The following PCDHGA3 variants were observed in gnomAD, a reference collection of about 807,000 sequenced individuals.
PCDHGA3 encodes protocadherin gamma-A3.
A neutral mutation model predicts 58.5 loss-of-function variants in PCDHGA3; 40 were observed. The ratio of observed to expected loss-of-function variants is 0.68; its 90% CI spans 0.53 to 0.89. PCDHGA3 has a LOEUF of 0.89. Ranked by LOEUF, PCDHGA3 falls within the 40% of genes least tolerant of loss-of-function variation. The probability of loss-of-function intolerance (pLI) is 0.00; values close to 1 mark genes in which losing one functional copy is unlikely to be tolerated. For synonymous variants in PCDHGA3, 530 were observed against 525.7 expected (o/e 1.01, Z -0.11); for missense variants, 1,223 against 1,195.9 (o/e 1.02, Z -0.33).
intron 1 of PCDHGA3, chr5:141,395,745 T>C (rs2093305954): frequency 6.5e-6 from 1 of 153,196 alleles, no homozygotes; most frequent in African/African-American, 2.4e-5. Context: ...AAACCTCTTT[T>C]CTGAGCCCTG....
At chr5:141,350,845 A>C (rs1758572276) in intron 1 of PCDHGA3, 1 of 1,613,468 alleles carries the variant, frequency 6.2e-7, no homozygotes, top group Non-Finnish European at 8.5e-7. Context: ...TGCTGGAAAA[A>C]CCTCTAGACA....
intron 1 of PCDHGA3, among the ~76,000 whole-genome samples, chr5:141,472,862 T>C (rs770564770): frequency 1.3e-5 from 2 of 150,322 alleles, no homozygotes; most frequent in South Asian, 4.2e-4. Flanking sequence ...GGCACATGCC[T>C]GTATTCCCAG....
At chr5:141,364,976 G>A (rs781674344) in intron 1 of PCDHGA3, 1 of 1,613,902 alleles carries the variant, frequency 6.2e-7, no homozygotes, top group Middle Eastern at 1.6e-4. Flanking sequence ...CACAGCTTTA[G>A]ATGGCGGAGA....
intron 1 of PCDHGA3, chr5:141,421,143 A>T (rs2096549098): frequency 3.1e-6 from 3 of 964,414 alleles, no homozygotes; most frequent in Non-Finnish European, 4.5e-6. Flanking sequence ...TTTTGGATGT[A>T]GTCGGCCTAG....
chr5:141,419,275 G>A, intron 1 of PCDHGA3: 26 of 1,613,974 alleles, frequency 1.6e-5, no homozygotes, highest in Non-Finnish European at 2.2e-5. Flanking sequence ...CCTCCATAGC[G>A]CAAGTCAGTG....
At chr5:141,466,107 G>T (rs1463944825) in intron 1 of PCDHGA3, among the ~76,000 whole-genome samples, 1 of 151,928 alleles carries the variant, frequency 6.6e-6, no homozygotes, top group East Asian at 1.9e-4. Flanking sequence ...GGGCAACAGA[G>T]TGAGACTCCA....
chr5:141,432,172 C>T lies in PCDHGA3; in HGVS notation c.2425-62635C>T, dbSNP rs562175068. ...AGAACAATCCCAGAGGAGTTTCCCT[C>T]GTCTCTGTGACCGCCCACGACCCCG... On this transcript the variant is annotated intron_variant, in intron 1 of 3. Coordinates refer to ENST00000253812, the MANE Select transcript of PCDHGA3 (RefSeq NM_018916.4). This position sits in a 1 kb window ranked among gnomAD's most constrained non-coding sequence, Gnocchi z 6.0. 22 of 1,614,152 alleles carry T rather than the reference C, an allele frequency of 1.4e-5. No individual in the cohort carries two copies. In the Admixed American group the frequency reaches 3.5e-4, roughly 26 times the overall value.
At chr5:141,365,039 G>A (rs577848371) in intron 1 of PCDHGA3, 12 of 1,613,840 alleles carry the variant, frequency 7.4e-6, no homozygotes, top group Non-Finnish European at 9.3e-6. Flanking sequence ...CGACGCAAAC[G>A]ACAATGCGCC....
At chr5:141,428,600 C>T (rs2097150405) in intron 1 of PCDHGA3, 1 of 223,920 alleles carries the variant, frequency 4.5e-6, no homozygotes, top group African/African-American at 2.3e-5. Flanking sequence ...GCAAGCTTCA[C>T]TGAAGAGAAT....
At chr5:141,451,151 A>AT (rs1324071351) in intron 1 of PCDHGA3, among the ~76,000 whole-genome samples, 2 of 152,190 alleles carry the variant, frequency 1.3e-5, no homozygotes, top group Admixed American at 6.5e-5. Context: ...TAGACTAGAC[A>AT]TTTTTTTGGT....
At chr5:141,407,767 G>T (rs1458257073) in intron 1 of PCDHGA3, among the ~76,000 whole-genome samples, 1 of 152,140 alleles carries the variant, frequency 6.6e-6, no homozygotes, top group Non-Finnish European at 1.5e-5. Context: ...GTTTGAAATT[G>T]TGCATAATAG....
chr5:141,489,944 T>A lies in PCDHGA3; in HGVS notation c.2425-4863T>A. On this transcript the variant is annotated intron_variant, in intron 1 of 3. Coordinates refer to ENST00000253812, the MANE Select transcript of PCDHGA3 (RefSeq NM_018916.4). The surrounding 1 kb of genome is among the most constrained non-coding windows in gnomAD (Gnocchi z 4.5). ...CTTATCTCTGTCATCGTGCTGGACA[T>A]CAATGATAATGCTCCAACCTTCCAA... 1 of 1,614,172 alleles carries A rather than the reference T, an allele frequency of 6.2e-7. No individual in the cohort carries two copies. The highest frequency in any genetic ancestry group is 8.5e-7 in the Non-Finnish European group (1 of 1,180,010).
chr5:141,394,204 A>G (rs749979763), intron 1 of PCDHGA3: 4 of 1,613,914 alleles, frequency 2.5e-6, no homozygotes, highest in Non-Finnish European at 3.4e-6. Context: ...ATCCTAGAGA[A>G]CAACCTGAGA....
chr5:141,375,053 G>A, intron 1 of PCDHGA3: 1 of 1,614,046 alleles, frequency 6.2e-7, no homozygotes. Context: ...AGCCCGGGAT[G>A]GGCCAGGTCT....
At chr5:141,497,904 A>G (rs939422338) in intron 2 of PCDHGA3, among the ~76,000 whole-genome samples, 2 of 152,136 alleles carry the variant, frequency 1.3e-5, no homozygotes, top group African/African-American at 2.4e-5. Context: ...AGTAACTTCA[A>G]CTTCTCTCCT....
chr5:141,360,321 A>C lies in PCDHGA3; in HGVS notation c.2424+13864A>C, dbSNP rs777240773. 6 of 1,614,004 alleles carry C rather than the reference A, an allele frequency of 3.7e-6. No individual in the cohort carries two copies. In the Admixed American group the frequency reaches 8.3e-5, roughly 22 times the overall value. On this transcript the variant is annotated intron_variant, in intron 1 of 3. Coordinates refer to ENST00000253812, the MANE Select transcript of PCDHGA3 (RefSeq NM_018916.4). ...TGGGGCTCAGCGTCCGGGACTTGCC[A>C]GCCCGGAAGCTGCGGGTTAGCGCGG...
At chr5:141,483,179 G>C (rs2099577971) in intron 1 of PCDHGA3, among the ~76,000 whole-genome samples, 2 of 152,294 alleles carry the variant, frequency 1.3e-5, no homozygotes, top group African/African-American at 4.8e-5. Flanking sequence ...TTTGGGCCAA[G>C]CCAAGGAGTT....
At chr5:141,473,228 A>T (rs549587219) in intron 1 of PCDHGA3, among the ~76,000 whole-genome samples, 1 of 152,296 alleles carries the variant, frequency 6.6e-6, no homozygotes, top group African/African-American at 2.4e-5. Context: ...GGGAGATTGG[A>T]TCCACACAAG....
In PCDHGA3 at chr5:141,432,293, G is replaced by C. The variant is rs765631138; in HGVS notation, c.2425-62514G>C. Reference sequence around the variant, plus strand: ...CTACGTGTCCATCAACTCCGACACTGGGGTACTGTATGCGCTGAGCTCCTT... The same window carrying C: ...CTACGTGTCCATCAACTCCGACACTCGGGTACTGTATGCGCTGAGCTCCTT... On this transcript the variant is annotated intron_variant, in intron 1 of 3. Coordinates refer to ENST00000253812, the MANE Select transcript of PCDHGA3 (RefSeq NM_018916.4). This position sits in a 1 kb window ranked among gnomAD's most constrained non-coding sequence, Gnocchi z 6.0. 6.2e-7 allele frequency: 1 copy of C among 1,614,254 alleles called. No individual in the cohort carries two copies.
Sources: gnomAD v4.1 joint callset for allele counts (sites outside exome capture counted in the v4.1 genomes callset) on GRCh38, gnomAD v4.1.1 for gene constraint, Gnocchi (gnomAD v3.1) non-coding constraint, MANE v1.5 for transcripts, NCBI Gene and HGNC (gene_info 2026-07-23, HGNC 2026-07-21) for gene names.